Variants in EMILIN2 observed in about 807,000 individuals in gnomAD.
EMILIN2 encodes EMILIN-2.
EMILIN2 carries 71 observed loss-of-function variants against 87.1 expected under a neutral mutation model. The ratio of observed to expected loss-of-function variants is 0.82; its 90% CI spans 0.67 to 0.99. The LOEUF is 0.99. Ranked by LOEUF, EMILIN2 falls within the 50% of genes least tolerant of loss-of-function variation. EMILIN2 has a pLI of 0.00. For synonymous variants in EMILIN2, 581 were observed against 563.4 expected (o/e 1.03, Z -0.44); for missense variants, 1,407 against 1,371.8 (o/e 1.03, Z -0.40).
chr18:2,864,595 C>A (rs2076677266), intron 2 of EMILIN2, among the ~76,000 whole-genome samples: 1 of 152,216 alleles, frequency 6.6e-6, no homozygotes, highest in African/African-American at 2.4e-5. Flanking sequence ...AGCTATTAGT[C>A]TGATGGGCTT....
chr18:2,889,357 T>C (rs1328130815), intron 3 of EMILIN2, among the ~76,000 whole-genome samples: 2 of 151,946 alleles, frequency 1.3e-5, no homozygotes, highest in Non-Finnish European at 2.9e-5. Flanking sequence ...AGGCTGGTCT[T>C]GAACTCCTAT....
rs78968662 is a variant in EMILIN2 at position 2,868,359 on chromosome 18, C to T, written c.258-16605C>T. ...GGCTCCTCACATCCCAGACGATGGGCGGCCACGCAGAGACACTCCTCACTT... is the reference window on the plus strand; with the variant it reads ...GGCTCCTCACATCCCAGACGATGGGTGGCCACGCAGAGACACTCCTCACTT... On this transcript the variant is annotated intron_variant, in intron 2 of 7. Coordinates refer to ENST00000254528, the MANE Select transcript of EMILIN2 (RefSeq NM_032048.3). Among the ~76,000 whole-genome samples the T allele has an allele frequency of 0.046, 6,944 of 152,164 alleles. 698 individuals are homozygous for T. The East Asian group carries it at 0.48, about 10-fold the overall frequency.
intron 2 of EMILIN2, among the ~76,000 whole-genome samples, chr18:2,869,770 GTGTGTGTGTGTGTGTT>G (rs1298640517): frequency 4.9e-4 from 24 of 49,176 alleles, no homozygotes; most frequent in African/African-American, 1.3e-3. Context: ...AGATTCCTCT[GTGTGTGTGTGTGTGTT>G]TGTGTGTGTG....
intron 2 of EMILIN2, among the ~76,000 whole-genome samples, chr18:2,860,487 G>A (rs2076655235): frequency 6.6e-6 from 1 of 152,118 alleles, no homozygotes; most frequent in Non-Finnish European, 1.5e-5. Context: ...AACATGTGGT[G>A]TTTGGTTTTT....
chr18:2,846,785 G>T (rs182363339), upstream of EMILIN2: 6 of 985,416 alleles, frequency 6.1e-6, no homozygotes, highest in East Asian at 5.7e-4. The surrounding 1 kb of genome is among the most constrained non-coding windows in gnomAD (Gnocchi z 5.3). Context: ...AGAGACCAAA[G>T]GAATGAGTCA....
chr18:2,913,629 A>G lies in EMILIN2; in HGVS notation c.*225A>G. The G allele has an allele frequency of 1.0e-5, 5 of 478,668 alleles. No individual in the cohort carries two copies. The highest frequency in any genetic ancestry group is 5.4e-5 in the South Asian group (2 of 37,090). The allele number at this position is 478,668 out of a possible 1,614,324, so 29.7% of individuals were successfully genotyped here. On this transcript the variant is annotated 3_prime_UTR_variant, in exon 8 of 8. Transcript: ENST00000254528. ...GGCCACTGACTTTTCTGCCACTCTA[A>G]CTGGACAACTGGAAGACTTGGAAAG...
At chr18:2,910,329 G>A (rs1327624346) in intron 7 of EMILIN2, among the ~76,000 whole-genome samples, 5 of 152,200 alleles carry the variant, frequency 3.3e-5, no homozygotes, top group Admixed American at 3.3e-4. Flanking sequence ...CCCTTCAGCT[G>A]GGAGCCTGAG....
chr18:2,852,522 C>T (rs2076606529), intron 2 of EMILIN2, among the ~76,000 whole-genome samples: 1 of 152,098 alleles, frequency 6.6e-6, no homozygotes, highest in South Asian at 2.1e-4. Flanking sequence ...TGCAAAAATT[C>T]GTTTTTTCTT....
intron 2 of EMILIN2, among the ~76,000 whole-genome samples, chr18:2,868,140 G>C (rs1372568360): frequency 6.6e-6 from 1 of 152,120 alleles, no homozygotes; most frequent in African/African-American, 2.4e-5. Flanking sequence ...TTGCCAGGCA[G>C]AGGGTCTCCT....
rs1264541024 is a variant in EMILIN2, at chr18:2,890,084, C to CT, written c.434-476dup. Among the ~76,000 whole-genome samples, 1 of 152,176 alleles carries CT rather than the reference C, an allele frequency of 6.6e-6. No homozygotes were observed. Among genetic ancestry groups the CT allele is most frequent in the Non-Finnish European group, 1.5e-5 (1 of 68,026 alleles). ...ATCATATGATATCACCATCCAACAGCTAATGGGTGGATCTTGCTAAAGTGG... is the reference window on the plus strand; with the variant it reads ...ATCATATGATATCACCATCCAACAGCTTAATGGGTGGATCTTGCTAAAGTGG... On this transcript the variant is annotated intron_variant, in intron 3 of 7. Coordinates refer to ENST00000254528, the MANE Select transcript of EMILIN2 (RefSeq NM_032048.3). The surrounding 1 kb of genome is among the most constrained non-coding windows in gnomAD (Gnocchi z 4.7).
Position 2,880,133 on chromosome 18 carries a change from G to A in EMILIN2, c.258-4831G>A, listed in dbSNP as rs932900116. Among the ~76,000 whole-genome samples, 5 of 152,204 alleles carry A rather than the reference G, an allele frequency of 3.3e-5. No homozygotes were observed. The highest frequency in any genetic ancestry group is 5.9e-5 in the Non-Finnish European group (4 of 68,036). On this transcript the variant is annotated intron_variant, in intron 2 of 7. Coordinates refer to ENST00000254528, the MANE Select transcript of EMILIN2 (RefSeq NM_032048.3). The surrounding 1 kb of genome is among the most constrained non-coding windows in gnomAD (Gnocchi z 4.1). ...TAAGCAAACACAAGTGTGAACTGAG[G>A]CGTGTTATGAAGGAGGTCTCAACTT...
intron 4 of EMILIN2, among the ~76,000 whole-genome samples, chr18:2,904,382 T>C (rs2076900519): frequency 6.6e-6 from 1 of 152,228 alleles, no homozygotes; most frequent in Non-Finnish European, 1.5e-5. Context: ...ACCATCCCAT[T>C]ACCCCTACAT....
intron 4 of EMILIN2, among the ~76,000 whole-genome samples, chr18:2,893,750 G>C (rs1353426389): frequency 6.6e-6 from 1 of 152,230 alleles, no homozygotes; most frequent in Non-Finnish European, 1.5e-5. Flanking sequence ...CACTTCAGGG[G>C]GACTGAATCC....
At chr18:2,905,925 G>A (rs1442014612) in intron 4 of EMILIN2, among the ~76,000 whole-genome samples, 2 of 152,038 alleles carry the variant, frequency 1.3e-5, no homozygotes, top group Non-Finnish European at 1.5e-5. Flanking sequence ...CGCCCGGCCC[G>A]CTTAGGGAGT....
intron 2 of EMILIN2, among the ~76,000 whole-genome samples, chr18:2,867,084 T>C (rs565001138): frequency 6.6e-6 from 1 of 152,304 alleles, no homozygotes; most frequent in South Asian, 2.1e-4. Flanking sequence ...GATATGCTGT[T>C]GGTTTGGTTA....
chr18:2,856,647 G>A (rs2076628955), intron 2 of EMILIN2, among the ~76,000 whole-genome samples: 2 of 152,154 alleles, frequency 1.3e-5, no homozygotes, highest in Non-Finnish European at 2.9e-5. Context: ...CGGGGAAACC[G>A]TACCAGTGGT....
Position 2,847,147 on chromosome 18 carries a change from G to A in EMILIN2, c.-42G>A, listed in dbSNP as rs567837267. The A allele has an allele frequency of 2.8e-6, 3 of 1,061,486 alleles. No individual in the cohort carries two copies. Among genetic ancestry groups the A allele is most frequent in the East Asian group, 8.9e-5 (1 of 11,296 alleles). 65.8% of individuals were successfully genotyped at this position (1,061,486 alleles called of 1,614,324 possible). A position where few individuals can be genotyped will look rare whatever the true frequency, so the allele number is the denominator to read the frequency against. On this transcript the variant is annotated 5_prime_UTR_variant, in exon 1 of 8. Coordinates refer to ENST00000254528, the MANE Select transcript of EMILIN2 (RefSeq NM_032048.3). This position sits in a 1 kb window ranked among gnomAD's most constrained non-coding sequence, Gnocchi z 4.5. ...TGTGGCCGGTGCCCCGATCCGCCGC[G>A]CTCCGGACCCGGGCAGGCGGGGCGC...
At chr18:2,846,244 G>A (rs1335809072), upstream of EMILIN2, among the ~76,000 whole-genome samples, 1 of 152,258 alleles carries the variant, frequency 6.6e-6, no homozygotes, top group Non-Finnish European at 1.5e-5. The surrounding 1 kb of genome is among the most constrained non-coding windows in gnomAD (Gnocchi z 5.3). Flanking sequence ...TAAGACGGAT[G>A]TCTAGCAGTG....
chr18:2,866,668 C>T (rs1402395138), intron 2 of EMILIN2, among the ~76,000 whole-genome samples: 6 of 152,204 alleles, frequency 3.9e-5, no homozygotes, highest in African/African-American at 1.4e-4. Context: ...TTCCTCTTTA[C>T]AGATTTGGAT....
Sources: gnomAD v4.1 joint callset for allele counts (sites outside exome capture counted in the v4.1 genomes callset) on GRCh38, gnomAD v4.1.1 for gene constraint, Gnocchi (gnomAD v3.1) non-coding constraint, MANE v1.5 for transcripts, NCBI Gene and HGNC (gene_info 2026-07-23, HGNC 2026-07-21) for gene names.